Variants in NECAB3 observed in about 807,000 individuals in gnomAD.
NECAB3 encodes the protein N-terminal EF-hand calcium binding protein 3, also known as N-terminal EF-hand calcium-binding protein 3.
A neutral mutation model predicts 57.2 loss-of-function variants in NECAB3; 38 were observed. The observed-to-expected ratio is 0.66, with a 90% confidence interval of 0.51 to 0.87. NECAB3 has a LOEUF of 0.87. Ranked by LOEUF, NECAB3 falls within the 40% of genes least tolerant of loss-of-function variation. NECAB3 has a pLI of 0.00. For missense variants in NECAB3, 474 were observed against 527.5 expected, an observed-to-expected ratio of 0.90 and a Z score of 0.99; for synonymous variants, 223 against 222.6, an observed-to-expected ratio of 1.00 and a Z score of -0.02.
At chr20:33,667,295 C>A in intron 5 of NECAB3, 1 of 600,658 alleles carries the variant, frequency 1.7e-6, no homozygotes, top group Non-Finnish European at 2.5e-6. Context: ...GGCGGCGTGG[C>A]GCGGGCGCAC....
intron 5 of NECAB3, chr20:33,662,686 T>C (rs1016649099): frequency 3.6e-6 from 2 of 557,518 alleles, no homozygotes; most frequent in African/African-American, 3.8e-5. Flanking sequence ...ACGCCTGTAA[T>C]CCCAACACGT....
chr20:33,661,840 G>A (rs1319485802), intron 5 of NECAB3, among the ~76,000 whole-genome samples: 1 of 152,038 alleles, frequency 6.6e-6, no homozygotes, highest in African/African-American at 2.4e-5. Context: ...TAGTAGAGAC[G>A]GGGTTTCACT....
intron 9 of NECAB3, 56 bp downstream of exon 9, chr20:33,658,666 C>A: frequency 1.9e-6 from 3 of 1,597,246 alleles, no homozygotes; most frequent in South Asian, 1.1e-5. Flanking sequence ...GCCCCAGCAC[C>A]CCTCTCTGCT....
intron 2 of NECAB3, among the ~76,000 whole-genome samples, chr20:33,671,631 C>T (rs1283014346): frequency 2.6e-5 from 4 of 152,214 alleles, no homozygotes; most frequent in Admixed American, 2.0e-4. Flanking sequence ...AGACCCTCCA[C>T]GGGCCACACA....
intron 8 of NECAB3, 145 bp downstream of exon 8, chr20:33,659,352 C>T: frequency 1.5e-6 from 1 of 672,860 alleles, no homozygotes; most frequent in Non-Finnish European, 2.3e-6. Flanking sequence ...TGCAGGTTCT[C>T]AGAACCCGGC....
Position 33,674,324 on chromosome 20 carries a change from C to A in NECAB3, c.29G>T (p.Cys10Phe), listed in dbSNP as rs2017902844. The change falls in exon 1 of 12, where the codon TGC (cysteine) becomes TTC (phenylalanine). Residue 10 changes from cysteine (C) to phenylalanine (F), a missense_variant. Transcript: ENST00000246190. ...CTGGGGCGCGGGCGGCCGGAGCAGG[C>A]ACACGGTGAGCAGCCCCGCGCACGC... MACAGLLTV[C>F]LLRPPAPQPQ... The A allele has an allele frequency of 8.2e-7, 1 of 1,214,804 alleles. No homozygotes were observed. The highest frequency in any genetic ancestry group is 1.0e-6 in the Non-Finnish European group (1 of 976,826). 75.3% of individuals were successfully genotyped at this position (1,214,804 alleles called of 1,614,324 possible).
At position 33,660,249 on chromosome 20, in the gene NECAB3, C is replaced by A. The variant is rs1306223357; in HGVS notation, c.524+10G>T. 2 of 1,611,656 alleles carry A rather than the reference C, an allele frequency of 1.2e-6. No individual in the cohort carries two copies. Among genetic ancestry groups the A allele is most frequent in the South Asian group, 2.2e-5 (2 of 91,042 alleles). ...CACTAGCCCCACAGGTTGACAGCAC[C>A]CTTACATACCGCCAGCCATGGGCCT... On this transcript the variant is annotated intron_variant, in intron 6 of 11. Transcript: ENST00000246190. This position sits in a 1 kb window ranked among gnomAD's most constrained non-coding sequence, Gnocchi z 4.1.
intron 5 of NECAB3, chr20:33,662,429 G>A (rs750475833): frequency 1.9e-6 from 3 of 1,551,658 alleles, no homozygotes; most frequent in African/African-American, 2.7e-5. Flanking sequence ...ACAAGGCCTG[G>A]TGGAAATCGT....
intron 5 of NECAB3, chr20:33,667,503 T>C: frequency 6.6e-7 from 1 of 1,515,912 alleles, no homozygotes; most frequent in Non-Finnish European, 8.8e-7. Flanking sequence ...GCCACATGGC[T>C]AGCACCGCGT....
intron 5 of NECAB3, chr20:33,667,876 A>G: frequency 6.3e-7 from 1 of 1,597,908 alleles, no homozygotes; most frequent in Non-Finnish European, 8.5e-7. Context: ...CCCCGAACCC[A>G]TCTTCCAGCC....
chr20:33,674,894 C>G (rs2017924226), upstream of NECAB3: 1 of 152,210 alleles, frequency 6.6e-6, no homozygotes, highest in Non-Finnish European at 1.5e-5. Flanking sequence ...AGCCCTTTCC[C>G]CTCCCCTCCG....
intron 5 of NECAB3, among the ~76,000 whole-genome samples, chr20:33,662,969 CAG>C (rs1490177404): frequency 5.3e-5 from 8 of 152,162 alleles, no homozygotes; most frequent in African/African-American, 9.7e-5. Context: ...GAAGGGAGGG[CAG>C]AGATTCCAGA....
chr20:33,669,430 G>A lies in NECAB3; in HGVS notation c.332C>T (p.Ala111Val), dbSNP rs770059356. Reference sequence around the variant, plus strand: ...TGCACGGTTCAGCGATTCCAATGCAGCCAGCACCGGCCGGTAGACACCCAG... The same window carrying A: ...TGCACGGTTCAGCGATTCCAATGCAACCAGCACCGGCCGGTAGACACCCAG... ...EHLGVYRPVLAALESLNRAVL... is the reference protein window; with the variant it reads ...EHLGVYRPVLVALESLNRAVL... The change falls in exon 5 of 12, where the codon GCT (alanine) becomes GTT (valine). Residue 111 changes from alanine to valine, a missense_variant. Physicochemically the swap from Ala to Val is moderately conservative, Grantham distance 64. Transcript: ENST00000246190. 2.5e-6 allele frequency: 4 copies of A among 1,613,710 alleles called. No individual in the cohort carries two copies. Among genetic ancestry groups the A allele is most frequent in the Non-Finnish European group, 2.5e-6 (3 of 1,180,026 alleles).
In NECAB3 at chr20:33,672,303, C is replaced by T. The variant is rs2017843796; in HGVS notation, c.154+95G>A. The T allele has an allele frequency of 9.5e-6, 14 of 1,474,256 alleles. No homozygotes were observed. The South Asian group carries it at 1.5e-4, about 16-fold the overall frequency. 91.3% of individuals were successfully genotyped at this position (1,474,256 alleles called of 1,614,324 possible). On this transcript the variant is annotated intron_variant, in intron 2 of 11. Coordinates refer to ENST00000246190, the MANE Select transcript of NECAB3 (RefSeq NM_031232.4). The stretch of plus-strand genomic sequence containing the variant: ...TTTGGGCCCCCAAGATTTGTCTCAA[C>T]TCTTGACTTCCCACCCAACCTCCCA...
rs906997106 is a variant in NECAB3, at chr20:33,658,345, G to C, written c.1070+132C>G. The stretch of plus-strand genomic sequence containing the variant: ...ATCACTTCCATTTTGGAAAGGACTC[G>C]GGGGCTCGGGCAGGTGGGGTCACTC... On this transcript the variant is annotated intron_variant, in intron 10 of 11. Coordinates refer to ENST00000246190, the MANE Select transcript of NECAB3 (RefSeq NM_031232.4). 26 of 928,426 alleles carry C rather than the reference G, an allele frequency of 2.8e-5. 2 individuals are homozygous for C. The highest frequency in any genetic ancestry group is 3.4e-5 in the Non-Finnish European group (20 of 588,934). The allele number at this position is 928,426 out of a possible 1,614,324, so 57.5% of individuals were successfully genotyped here.
chr20:33,657,652 A>T lies in NECAB3; in HGVS notation c.*177T>A. On this transcript the variant is annotated 3_prime_UTR_variant, in exon 12 of 12. Transcript: ENST00000246190. Reference sequence around the variant, plus strand: ...AACAATAAAATACAGGGATAAATAAATCAATAATAAATAGAAAGCAAGCAG... The same window carrying T: ...AACAATAAAATACAGGGATAAATAATTCAATAATAAATAGAAAGCAAGCAG... 1 of 597,850 alleles carries T rather than the reference A, an allele frequency of 1.7e-6. No homozygotes were observed. The highest frequency in any genetic ancestry group is 2.9e-5 in the South Asian group (1 of 34,068). 37.0% of individuals were successfully genotyped at this position (597,850 alleles called of 1,614,324 possible).
chr20:33,674,380 G>A lies in NECAB3; in HGVS notation c.-28C>T. On this transcript the variant is annotated 5_prime_UTR_variant, in exon 1 of 12. Transcript: ENST00000246190. ...CGCCGCCACCCGCTCGGGCTCGGCT[G>A]CGGTTGCTGCCGACCCTGGACGCCG... The A allele has an allele frequency of 1.7e-6, 2 of 1,158,146 alleles. No homozygotes were observed. The highest frequency in any genetic ancestry group is 2.1e-6 in the Non-Finnish European group (2 of 940,810). 71.7% of individuals were successfully genotyped at this position (1,158,146 alleles called of 1,614,324 possible). A position where few individuals can be genotyped will look rare whatever the true frequency, so the allele number is the denominator to read the frequency against.
At chr20:33,673,400 C>G (rs957436425) in intron 1 of NECAB3, among the ~76,000 whole-genome samples, 2 of 152,120 alleles carry the variant, frequency 1.3e-5, no homozygotes, top group Non-Finnish European at 2.9e-5. Context: ...CTGAGGGGCA[C>G]GCAGCAAGCC....
intron 1 of NECAB3, among the ~76,000 whole-genome samples, 163 bp from the exon 2 acceptor site, chr20:33,672,585 G>A (rs1451251097): frequency 6.6e-6 from 1 of 152,204 alleles, no homozygotes; most frequent in African/African-American, 2.4e-5. Flanking sequence ...CCCTGCAGGA[G>A]CTTTTCCTGC....
Sources: allele counts gnomAD v4.1 joint callset (sites outside exome capture counted in the v4.1 genomes callset), GRCh38; gene constraint gnomAD v4.1.1; non-coding constraint Gnocchi (gnomAD v3.1); transcripts MANE v1.5; gene names NCBI Gene and HGNC (gene_info 2026-07-23, HGNC 2026-07-21).